The following DPP10 variants were observed in gnomAD, a reference collection of about 807,000 sequenced individuals.
The protein encoded by DPP10 is inactive dipeptidyl peptidase 10.
DPP10 carries 33 observed loss-of-function variants against 120.9 expected under a neutral mutation model. The observed-to-expected ratio is 0.27, with a 90% CI of 0.21 to 0.37. The LOEUF (loss-of-function observed/expected upper bound fraction) is 0.37, where lower values mean the gene tolerates loss of function less well. Ranked by LOEUF, DPP10 falls within the 10% of genes least tolerant of loss-of-function variation. The probability of loss-of-function intolerance (pLI) is 1.00; values close to 1 mark genes in which losing one functional copy is unlikely to be tolerated. For missense variants in DPP10, 816 were observed against 942.8 expected (o/e 0.87, Z 1.76); for synonymous variants, 337 against 326.1 (o/e 1.03, Z -0.36).
chr2:114,619,435 C>G (rs1693923443), intron 1 of DPP10, among the ~76,000 whole-genome samples: 1 of 148,700 alleles, frequency 6.7e-6, no homozygotes, highest in Admixed American at 6.7e-5. Flanking sequence ...AGTGAGAGAG[C>G]CAGGTGAAAT....
intron 1 of DPP10, among the ~76,000 whole-genome samples, chr2:114,592,023 C>T (rs933907326): frequency 9.0e-5 from 10 of 111,044 alleles, no homozygotes; most frequent in African/African-American, 4.4e-4. Flanking sequence ...GTGATGCATG[C>T]AGACAGTGTT....
At chr2:114,626,839 A>G (rs145146678) in intron 1 of DPP10, among the ~76,000 whole-genome samples, 1 of 152,244 alleles carries the variant, frequency 6.6e-6, no homozygotes, top group Non-Finnish European at 1.5e-5. Flanking sequence ...GTTGGCATTA[A>G]GAGATCACTT....
At chr2:115,088,909 C>T (rs1459788353) in intron 1 of DPP10, among the ~76,000 whole-genome samples, 3 of 151,702 alleles carry the variant, frequency 2.0e-5, no homozygotes, top group African/African-American at 7.3e-5. Context: ...AGGAAAAAAA[C>T]TTCTTAATTT....
intron 15 of DPP10, 30 bp downstream of exon 15, chr2:115,777,864 A>T: frequency 6.2e-7 from 1 of 1,601,418 alleles, no homozygotes; most frequent in Middle Eastern, 1.7e-4. Flanking sequence ...CTCCTTACAC[A>T]GATTGGCTTC....
intron 11 of DPP10, among the ~76,000 whole-genome samples, chr2:115,761,448 G>T (rs985854031): frequency 6.6e-6 from 1 of 151,924 alleles, no homozygotes; most frequent in South Asian, 2.1e-4. Context: ...TTTATTCTAC[G>T]TATGGAGATA....
At chr2:114,513,490 C>A (rs1684328601) in intron 1 of DPP10, among the ~76,000 whole-genome samples, 1 of 142,908 alleles carries the variant, frequency 7.0e-6, no homozygotes, top group Non-Finnish European at 1.5e-5. Context: ...CACTGCACTC[C>A]AGCCTGGGCA....
chr2:115,077,183 G>A (rs542516051), intron 1 of DPP10, among the ~76,000 whole-genome samples: 1 of 152,196 alleles, frequency 6.6e-6, no homozygotes, highest in Admixed American at 6.5e-5. Flanking sequence ...TTGTAATCAT[G>A]GCAGCTGTCG....
intron 5 of DPP10, among the ~76,000 whole-genome samples, chr2:115,616,602 T>C (rs1184943868): frequency 6.6e-6 from 1 of 152,134 alleles, no homozygotes; most frequent in African/African-American, 2.4e-5. Context: ...TTTCAGTCTT[T>C]TTCTTATAGT....
At chr2:115,603,160 GTGTGTGTGTA>G (rs1176736405) in intron 5 of DPP10, among the ~76,000 whole-genome samples, 13 of 150,726 alleles carry the variant, frequency 8.6e-5, no homozygotes, top group Admixed American at 3.3e-4. Flanking sequence ...GTGTGTGTGT[GTGTGTGTGTA>G]TAGTCATCTG....
rs564197951 is a variant in DPP10, at chr2:115,764,126, A to AT, written c.1113+1527dup. Among the ~76,000 whole-genome samples, 417 of 148,928 alleles carry AT rather than the reference A, an allele frequency of 2.8e-3. 1 individual carries two copies. Among genetic ancestry groups the AT allele is most frequent in the African/African-American group, 5.5e-3 (225 of 40,700 alleles). ...TGTGTAACACACAATTATTGCTATG[A>AT]TTTTTTTTTTTGCTAAGATACAAGG... On this transcript the variant is annotated intron_variant, in intron 12 of 25. Coordinates refer to ENST00000410059, the MANE Select transcript of DPP10 (RefSeq NM_020868.6).
intron 1 of DPP10, among the ~76,000 whole-genome samples, chr2:114,976,893 A>G (rs746242451): frequency 1.3e-5 from 2 of 152,082 alleles, no homozygotes; most frequent in Non-Finnish European, 2.9e-5. Context: ...GGAGAGCATC[A>G]ATTATCTTTA....
At chr2:114,731,541 G>A (rs1451766665) in intron 1 of DPP10, among the ~76,000 whole-genome samples, 1 of 152,112 alleles carries the variant, frequency 6.6e-6, no homozygotes, top group East Asian at 1.9e-4. Context: ...AGTGTCCAAC[G>A]TGTGACCAGA....
At chr2:115,235,119 C>A (rs2105515852) in intron 1 of DPP10, among the ~76,000 whole-genome samples, 1 of 152,192 alleles carries the variant, frequency 6.6e-6, no homozygotes, top group African/African-American at 2.4e-5. Context: ...TCAGTGTGAC[C>A]TCTTAAATAT....
intron 1 of DPP10, among the ~76,000 whole-genome samples, chr2:114,957,498 A>G (rs1270526560): frequency 6.6e-6 from 1 of 152,180 alleles, no homozygotes. Context: ...GTTGGTGGAA[A>G]TGTAAACTAA....
intron 1 of DPP10, among the ~76,000 whole-genome samples, chr2:115,144,689 T>G (rs184280098): frequency 0.026 from 3,524 of 137,766 alleles, 62 homozygotes; most frequent in Non-Finnish European, 0.04. Context: ...GGGGGAGGGA[T>G]AGCATTAGGA....
At chr2:115,113,758 C>T (rs2049354499) in intron 1 of DPP10, among the ~76,000 whole-genome samples, 2 of 152,104 alleles carry the variant, frequency 1.3e-5, no homozygotes, top group African/African-American at 4.8e-5. Flanking sequence ...ATAGGCTGCT[C>T]AAAACTGGAG....
chr2:114,925,171 A>G (rs1265165906), intron 1 of DPP10, among the ~76,000 whole-genome samples: 3 of 144,238 alleles, frequency 2.1e-5, no homozygotes, highest in South Asian at 2.2e-4. Context: ...AGATCATGCC[A>G]CTGCACTCCA....
At chr2:114,917,718 A>G (rs1694908889) in intron 1 of DPP10, among the ~76,000 whole-genome samples, 1 of 152,172 alleles carries the variant, frequency 6.6e-6, no homozygotes, top group Non-Finnish European at 1.5e-5. Context: ...AGGACTCCCT[A>G]TTAAATAAAC....
chr2:114,882,697 G>A (rs539277363), intron 1 of DPP10, among the ~76,000 whole-genome samples: 2 of 152,116 alleles, frequency 1.3e-5, no homozygotes, highest in East Asian at 1.9e-4. Flanking sequence ...AAATATGAAT[G>A]CAGGCAGAGA....
Sources: gnomAD v4.1 joint callset for allele counts (sites outside exome capture counted in the v4.1 genomes callset) on GRCh38, gnomAD v4.1.1 for gene constraint, MANE v1.5 for transcripts, NCBI Gene and HGNC (gene_info 2026-07-23, HGNC 2026-07-21) for gene names.